SLC8A1: variants seen among roughly 807,000 people sequenced by gnomAD.
SLC8A1 encodes solute carrier family 8 member A1.
Under a neutral mutation model 68.3 loss-of-function variants are expected in SLC8A1, and 18 were observed. The ratio of observed to expected loss-of-function variants is 0.26; its 90% CI spans 0.18 to 0.39. The LOEUF (loss-of-function observed/expected upper bound fraction) is 0.39, where lower values mean the gene tolerates loss of function less well. Ranked by LOEUF, SLC8A1 falls within the 10% of genes least tolerant of loss-of-function variation. The pLI is 1.00. For synonymous variants in SLC8A1, 475 were observed against 415.5 expected, an observed-to-expected ratio of 1.14 and a Z score of -1.74; for missense variants, 985 against 1,156.7, an observed-to-expected ratio of 0.85 and a Z score of 2.15.
intron 1 of SLC8A1, among the ~76,000 whole-genome samples, chr2:40,472,210 A>T (rs896416780): frequency 6.6e-6 from 1 of 152,192 alleles, no homozygotes; most frequent in Admixed American, 6.5e-5. Context: ...GTAAAGAAAA[A>T]AACTTGAATT....
At chr2:40,383,618 A>T (rs2149564165) in intron 2 of SLC8A1, among the ~76,000 whole-genome samples, 1 of 152,286 alleles carries the variant, frequency 6.6e-6, no homozygotes, top group South Asian at 2.1e-4. Flanking sequence ...TAAATCTTAG[A>T]TAAAAAAATT....
chr2:40,117,013 C>G (rs2035587792), intron 7 of SLC8A1: 2 of 152,202 alleles, frequency 1.3e-5, no homozygotes, highest in African/African-American at 4.8e-5. Flanking sequence ...GGGGATGGTA[C>G]TGCTCACTTC....
chr2:40,333,568 T>C (rs573489232), intron 2 of SLC8A1, among the ~76,000 whole-genome samples: 31 of 152,264 alleles, frequency 2.0e-4, no homozygotes, highest in African/African-American at 7.0e-4. Flanking sequence ...ATTCAAGACC[T>C]AGGTATCCCA....
intron 4 of SLC8A1, 89 bp from the exon 8 acceptor site, chr2:40,165,073 G>A: frequency 6.4e-7 from 1 of 1,559,788 alleles, no homozygotes; most frequent in Non-Finnish European, 8.7e-7. Flanking sequence ...CAAGGAGGAA[G>A]GAAGCCCTAA....
chr2:40,398,767 G>C (rs764292890), intron 2 of SLC8A1, among the ~76,000 whole-genome samples: 1 of 151,844 alleles, frequency 6.6e-6, no homozygotes, highest in East Asian at 1.9e-4. Flanking sequence ...AGCTTGTTTT[G>C]AATCTTCTGC....
chr2:40,305,569 G>A (rs1246028433), intron 2 of SLC8A1, among the ~76,000 whole-genome samples: 1 of 152,176 alleles, frequency 6.6e-6, no homozygotes, highest in East Asian at 1.9e-4. Flanking sequence ...TTCAGAGGCT[G>A]TGATAAGCAT....
intron 2 of SLC8A1, among the ~76,000 whole-genome samples, chr2:40,413,879 T>C (rs372822853): frequency 2.6e-5 from 4 of 152,166 alleles, no homozygotes; most frequent in Non-Finnish European, 4.4e-5. Flanking sequence ...GGTTGACCCA[T>C]TGCAAGCACA....
At chr2:40,335,551 A>G (rs761014073) in intron 2 of SLC8A1, among the ~76,000 whole-genome samples, 2 of 152,274 alleles carry the variant, frequency 1.3e-5, no homozygotes, top group Non-Finnish European at 2.9e-5. Flanking sequence ...AAGAAATACA[A>G]TGAACATAGC....
intron 2 of SLC8A1, among the ~76,000 whole-genome samples, chr2:40,355,042 C>T (rs902651387): frequency 2.0e-5 from 3 of 152,082 alleles, no homozygotes; most frequent in Admixed American, 1.3e-4. Context: ...TTCTCAAATA[C>T]GTATGGGAAA....
At chr2:40,483,678 C>T (rs1704783178) in intron 1 of SLC8A1, among the ~76,000 whole-genome samples, 1 of 152,302 alleles carries the variant, frequency 6.6e-6, no homozygotes, top group East Asian at 1.9e-4. Context: ...ACAGAAGTCT[C>T]ATGTGGCAAT....
chr2:40,152,479 A>G (rs189594436), intron 6 of SLC8A1, among the ~76,000 whole-genome samples: 30 of 152,074 alleles, frequency 2.0e-4, no homozygotes, highest in African/African-American at 7.0e-4. Context: ...ATTTCGGCTC[A>G]CTGCAGCCTC....
At chr2:40,109,624 C>G (rs961819668) in exon 8 of SLC8A1, 3 of 152,144 alleles carry the variant, frequency 2.0e-5, no homozygotes, top group African/African-American at 7.2e-5. Context: ...AGCATAAGCT[C>G]TTTCCCTATT....
At chr2:40,460,343 T>G (rs1703269364) in intron 1 of SLC8A1, among the ~76,000 whole-genome samples, 1 of 152,140 alleles carries the variant, frequency 6.6e-6, no homozygotes, top group Non-Finnish European at 1.5e-5. Context: ...GATCAATAAA[T>G]ATCTGTTGAA....
At chr2:40,246,033 C>A (rs1042237718) in intron 2 of SLC8A1, among the ~76,000 whole-genome samples, 2 of 152,228 alleles carry the variant, frequency 1.3e-5, no homozygotes, top group Non-Finnish European at 2.9e-5. Flanking sequence ...CTGTCTTAGA[C>A]TAGTTTAAGA....
chr2:40,302,065 G>GTGTA (rs976585756), intron 2 of SLC8A1, among the ~76,000 whole-genome samples: 1 of 149,374 alleles, frequency 6.7e-6, no homozygotes. Flanking sequence ...GTGTGTGTGT[G>GTGTA]TGTGTGTGTT....
exon 8 of SLC8A1, chr2:40,103,482 T>C (rs1415045107): frequency 1.3e-5 from 2 of 152,208 alleles, no homozygotes; most frequent in African/African-American, 4.8e-5. Context: ...TTTAGAATAA[T>C]TACACCTTTA....
intron 2 of SLC8A1, among the ~76,000 whole-genome samples, chr2:40,316,847 T>C (rs888092867): frequency 3.3e-5 from 5 of 151,984 alleles, no homozygotes; most frequent in South Asian, 2.1e-4. Context: ...CTTAGTCTCA[T>C]AGGGATAAAG....
intron 2 of SLC8A1, among the ~76,000 whole-genome samples, chr2:40,245,950 T>A (rs1203893807): frequency 6.6e-6 from 1 of 152,196 alleles, no homozygotes; most frequent in East Asian, 1.9e-4. Context: ...GGTTACATAG[T>A]TATAAGAAGC....
chr2:40,168,693 G>T (rs2046961612), intron 4 of SLC8A1, among the ~76,000 whole-genome samples: 1 of 152,098 alleles, frequency 6.6e-6, no homozygotes, highest in Non-Finnish European at 1.5e-5. Context: ...TGGAGCATTG[G>T]ATCAAAAGCA....
Sources: allele counts gnomAD v4.1 joint callset (sites outside exome capture counted in the v4.1 genomes callset), GRCh38; gene constraint gnomAD v4.1.1; transcripts MANE v1.5; gene names NCBI Gene and HGNC (gene_info 2026-07-23, HGNC 2026-07-21).